The following IQGAP3 variants were observed in gnomAD, a reference collection of about 807,000 sequenced individuals.
IQGAP3 encodes IQ motif containing GTPase activating protein 3.
Under a neutral mutation model 208.2 loss-of-function variants are expected in IQGAP3, and 165 were observed. The observed-to-expected ratio is 0.79, with a 90% CI of 0.70 to 0.90. The LOEUF (loss-of-function observed/expected upper bound fraction) is 0.90. Ranked by LOEUF, IQGAP3 falls within the 40% of genes least tolerant of loss-of-function variation. The pLI is 0.00. For missense variants in IQGAP3, 1,811 were observed against 2,043.1 expected, an observed-to-expected ratio of 0.89 and a Z score of 2.19; for synonymous variants, 703 against 803.6, an observed-to-expected ratio of 0.87 and a Z score of 2.12.
In IQGAP3 at chr1:156,548,070, CA is replaced by C. The variant is rs1675348358; in HGVS notation, c.2304+2del. The C allele has an allele frequency of 6.2e-7, 1 of 1,611,860 alleles. No homozygotes were observed. Among genetic ancestry groups the C allele is most frequent in the South Asian group, 1.1e-5 (1 of 90,684 alleles). On this transcript the variant is annotated splice_donor_variant, in intron 19 of 37. Coordinates refer to ENST00000361170, the MANE Select transcript of IQGAP3 (RefSeq NM_178229.5). LOFTEE classifies it high-confidence loss of function. ...GAAGACTGAGAAAGCCAGAGCCTGC[CA>C]CCTGGATCTTGATGACTGCTGGGAG...
Position 156,552,076 on chromosome 1 carries a change from T to G in IQGAP3, c.1468A>C (p.Lys490Gln). Residue 490 changes from lysine to glutamine, a missense_variant, in exon 14 of 38, where the codon AAA becomes CAA. Coordinates refer to ENST00000361170, the MANE Select transcript of IQGAP3 (RefSeq NM_178229.5). Reference sequence around the variant, plus strand: ...CCCATCCCACGCTCCTGTCGCAATTTCAGCAGGGCATCGAAGTAACTGGCA... The same window carrying G: ...CCCATCCCACGCTCCTGTCGCAATTGCAGCAGGGCATCGAAGTAACTGGCA... ...NAQRYFDALL[K>Q]LRQERGMGED... The G allele has an allele frequency of 1.2e-6, 2 of 1,614,144 alleles. No individual in the cohort carries two copies. The highest frequency in any genetic ancestry group is 2.2e-5 in the South Asian group (2 of 91,078).
rs772234683 is a variant in IQGAP3 at position 156,530,226 on chromosome 1, T to C, written c.4283A>G (p.His1428Arg). 1 of 1,611,984 alleles carries C rather than the reference T, an allele frequency of 6.2e-7. No homozygotes were observed. The highest frequency in any genetic ancestry group is 2.2e-5 in the East Asian group (1 of 44,820). ...PLRRHRSLTAHSLLPLAEKQR... is the reference protein window; with the variant it reads ...PLRRHRSLTARSLLPLAEKQR... ...CTTCTCTGCCAGTGGCAGGAGGGAG[T>C]GAGCTGTCAGTGAGCGGTGTCGTCG... The change falls in exon 34 of 38, where the codon CAC becomes CGC. Residue 1428 changes from histidine to arginine, a missense_variant. By Grantham distance (29) the His-to-Arg change is conservative. Transcript: ENST00000361170.
chr1:156,569,159 C>T (rs996493323), intron 2 of IQGAP3, among the ~76,000 whole-genome samples: 1 of 151,554 alleles, frequency 6.6e-6, no homozygotes, highest in African/African-American at 2.4e-5. Flanking sequence ...TATAAGCGAA[C>T]GTCCACATAT....
rs1180839855 is a variant in IQGAP3, at chr1:156,551,732, A to G, written c.1707T>C (p.Leu569=). The part of the protein sequence containing the change: ...LPVAPRYHLL[L]VAAKRQKAQV... ...GGGCCTTCTGCCTTTTGGCTGCCACAAGGAGGAGATGGTACCGAGGGGCGA... is the reference window on the plus strand; with the variant it reads ...GGGCCTTCTGCCTTTTGGCTGCCACGAGGAGGAGATGGTACCGAGGGGCGA... The change falls in exon 15 of 38, where the codon CTT becomes CTC. Residue 569 remains leucine (L), a synonymous_variant. Transcript: ENST00000361170. 6.2e-7 allele frequency: 1 copy of G among 1,612,834 alleles called. No individual in the cohort carries two copies. The highest frequency in any genetic ancestry group is 2.2e-5 in the East Asian group (1 of 44,864).
Position 156,563,563 on chromosome 1 carries a change from A to G in IQGAP3, c.609T>C (p.Asp203=), listed in dbSNP as rs1676260869. Residue 203 remains aspartate (D), a synonymous_variant, in exon 7 of 38, where the codon GAT becomes GAC. Transcript: ENST00000361170. ...GGILANELSV[D]EAAVHAAVLA... is the part of the protein sequence containing the mutation. ...GAGCCTAGTCCTTACCTGCAGCCTCATCCACCGAGAGCTCATTGGCCAAGA... is the reference window on the plus strand; with the variant it reads ...GAGCCTAGTCCTTACCTGCAGCCTCGTCCACCGAGAGCTCATTGGCCAAGA... 6.2e-7 allele frequency: 1 copy of G among 1,612,844 alleles called. No homozygotes were observed. Among genetic ancestry groups the G allele is most frequent in the East Asian group, 2.2e-5 (1 of 44,812 alleles).
At position 156,548,481 on chromosome 1, in the gene IQGAP3, G is replaced by C. The variant is rs760838923; in HGVS notation, c.2000C>G (p.Thr667Arg). Residue 667 changes from threonine (T) to arginine (R), a missense_variant, in exon 18 of 38, where the codon ACA (threonine) becomes AGA (arginine). Thr to Arg is a moderately conservative substitution (Grantham distance 71, BLOSUM62 -1). Transcript: ENST00000361170. Reference sequence around the variant, plus strand: ...CATGTCATGTTGAACCCAGAAAGCTGTGTCTGCTAAGCAGAAACCAAGCAA... The same window carrying C: ...CATGTCATGTTGAACCCAGAAAGCTCTGTCTGCTAAGCAGAAACCAAGCAA... The part of the protein sequence containing the change: ...AMAKKQRPAD[T>R]AFWVQHDMKD... 6.2e-7 allele frequency: 1 copy of C among 1,613,694 alleles called. No homozygotes were observed. The highest frequency in any genetic ancestry group is 1.3e-5 in the African/African-American group (1 of 74,950).
At chr1:156,537,792 C>G (rs559980434) in intron 26 of IQGAP3, among the ~76,000 whole-genome samples, 1 of 152,144 alleles carries the variant, frequency 6.6e-6, no homozygotes, top group Non-Finnish European at 1.5e-5. Context: ...GCTATAAGGG[C>G]AACCTATCTC....
rs748433036 is a variant in IQGAP3 at position 156,564,626 on chromosome 1, G to C, written c.426C>G (p.Ile142Met). Reference sequence around the variant, plus strand: ...TTGAGGTCTCTCACCTGAGAGCATGGATGCAGTAGACTACCCGGGGCATGT... The same window carrying C: ...TTGAGGTCTCTCACCTGAGAGCATGCATGCAGTAGACTACCCGGGGCATGT... The part of the protein sequence containing the change: ...KKNMPRVVYC[I>M]HALSLFLFRL... The change falls in exon 5 of 38, where the codon ATC (isoleucine) becomes ATG (methionine). Residue 142 changes from isoleucine (I) to methionine (M), a missense_variant. Physicochemically the swap from Ile to Met is conservative, Grantham distance 10 (BLOSUM62 1). Transcript: ENST00000361170. 2 of 1,612,402 alleles carry C rather than the reference G, an allele frequency of 1.2e-6. No homozygotes were observed. Among genetic ancestry groups the C allele is most frequent in the Non-Finnish European group, 1.7e-6 (2 of 1,178,414 alleles).
intron 2 of IQGAP3, among the ~76,000 whole-genome samples, chr1:156,567,048 G>A (rs1426844739): frequency 6.6e-6 from 1 of 151,944 alleles, no homozygotes; most frequent in East Asian, 1.9e-4. Flanking sequence ...TGTATTTTTA[G>A]TAGAGATAGG....
rs746137836 is a variant in IQGAP3 at position 156,534,076 on chromosome 1, G to A, written c.3806C>T (p.Ser1269Leu). The A allele has an allele frequency of 6.2e-7, 1 of 1,614,096 alleles. No individual in the cohort carries two copies. The highest frequency in any genetic ancestry group is 8.5e-7 in the Non-Finnish European group (1 of 1,180,034). ...GGGTTTGGCCACAGCCACCATGTCT[G>A]AGTACTCGTCCACTGCAAAACGCTC... is the stretch of plus-strand genomic sequence containing the variant. ...PEERFAVDEY[S>L]DMVAVAKPMV... Residue 1269 changes from serine (S) to leucine (L), a missense_variant, in exon 30 of 38, where the codon TCA becomes TTA. By Grantham distance (145) the Ser-to-Leu change is moderately radical. Transcript: ENST00000361170.
At chr1:156,536,972 C>T (rs1187897746) in intron 27 of IQGAP3, 2 of 455,148 alleles carry the variant, frequency 4.4e-6, no homozygotes, top group Non-Finnish European at 3.9e-6. Context: ...CCAGGCCACA[C>T]ACAGACTTGC....
At chr1:156,536,082 GTACTT>G (rs1378180013) in intron 27 of IQGAP3, among the ~76,000 whole-genome samples, 1 of 152,126 alleles carries the variant, frequency 6.6e-6, no homozygotes, top group Non-Finnish European at 1.5e-5. Flanking sequence ...AGCTCATTGT[GTACTT>G]TACTTTCTTA....
At chr1:156,531,319 G>A (rs895060112) in intron 32 of IQGAP3, 72 bp from the exon 33 acceptor site, 58 of 1,140,468 alleles carry the variant, frequency 5.1e-5, no homozygotes, top group Non-Finnish European at 4.5e-5. Flanking sequence ...ACTGGCCAGA[G>A]GTCTGAGAGT....
At chr1:156,563,732 T>C (rs1350856401) in intron 6 of IQGAP3, 25 bp downstream of exon 6, 2 of 1,611,618 alleles carry the variant, frequency 1.2e-6, no homozygotes, top group East Asian at 4.5e-5. Flanking sequence ...CAGGCTGTGG[T>C]GGTCAGGGAA....
At chr1:156,543,503 G>A (rs1285856668) in intron 22 of IQGAP3, among the ~76,000 whole-genome samples, 1 of 152,200 alleles carries the variant, frequency 6.6e-6, no homozygotes, top group Non-Finnish European at 1.5e-5. Flanking sequence ...AAGAACAAGA[G>A]CCAGAAAGGA....
chr1:156,570,888 A>G (rs1676617903), intron 1 of IQGAP3, among the ~76,000 whole-genome samples: 1 of 152,254 alleles, frequency 6.6e-6, no homozygotes, highest in Non-Finnish European at 1.5e-5. Context: ...CATAAAATCT[A>G]TGGGAGCAGC....
intron 11 of IQGAP3, 141 bp downstream of exon 11, chr1:156,560,793 A>G: frequency 1.7e-6 from 1 of 589,876 alleles, no homozygotes. Flanking sequence ...AAAGCAGATT[A>G]TGTGAGGGGA....
Position 156,544,381 on chromosome 1 carries a change from G to GTTT in IQGAP3, c.2388+7_2388+8insAAA. On this transcript the variant is annotated splice_region_variant and intron_variant, in intron 20 of 37. Transcript: ENST00000361170. Reference sequence around the variant, plus strand: ...GAGAAAGGAGCCTGCCAAAACCACCGTAGCTACCTTGATTATGGCATCCAG... The same window carrying GTTT: ...GAGAAAGGAGCCTGCCAAAACCACCGTTTTAGCTACCTTGATTATGGCATCCAG... 1 of 1,610,164 alleles carries GTTT rather than the reference G, an allele frequency of 6.2e-7. No homozygotes were observed. Among genetic ancestry groups the GTTT allele is most frequent in the Non-Finnish European group, 8.5e-7 (1 of 1,176,412 alleles).
At chr1:156,568,471 C>A (rs936040052) in intron 2 of IQGAP3, among the ~76,000 whole-genome samples, 3 of 152,224 alleles carry the variant, frequency 2.0e-5, no homozygotes, top group African/African-American at 4.8e-5. Context: ...CCCGCCTTGG[C>A]CTCCCAAAGT....
Sources: allele counts gnomAD v4.1 joint callset (sites outside exome capture counted in the v4.1 genomes callset), GRCh38; gene constraint gnomAD v4.1.1; transcripts MANE v1.5; gene names NCBI Gene and HGNC (gene_info 2026-07-23, HGNC 2026-07-21).